DSCAM: variants seen among roughly 807,000 people sequenced by gnomAD.
DSCAM encodes cell adhesion molecule DSCAM.
DSCAM carries 47 observed loss-of-function variants against 217.7 expected under a neutral mutation model. That is an observed-to-expected ratio of 0.22 (90% CI 0.17 to 0.28). The LOEUF (loss-of-function observed/expected upper bound fraction) is 0.28, where lower values mean the gene tolerates loss of function less well. Ranked by LOEUF, DSCAM falls within the 10% of genes least tolerant of loss-of-function variation. DSCAM has a pLI of 1.00. For missense variants in DSCAM, 2,080 were observed against 2,618.3 expected (o/e 0.79, Z 4.49); for synonymous variants, 1,056 against 1,015.3 (o/e 1.04, Z -0.76).
intron 3 of DSCAM, among the ~76,000 whole-genome samples, chr21:40,593,781 A>C (rs1357250472): frequency 6.6e-6 from 1 of 152,214 alleles, no homozygotes; most frequent in African/African-American, 2.4e-5. Flanking sequence ...CTTTACACAC[A>C]GGAAATGGAG....
chr21:40,498,776 G>A (rs1043133518), intron 3 of DSCAM, among the ~76,000 whole-genome samples: 3 of 21,388 alleles, frequency 1.4e-4, no homozygotes, highest in African/African-American at 5.2e-4. Flanking sequence ...TATATATATG[G>A]GTGTGTATAT....
At chr21:40,407,541 C>T (rs2075289327) in intron 3 of DSCAM, among the ~76,000 whole-genome samples, 1 of 152,136 alleles carries the variant, frequency 6.6e-6, no homozygotes, top group South Asian at 2.1e-4. Context: ...TCAGGTGGAA[C>T]CCAGCAGACA....
chr21:40,526,941 T>C (rs938729504), intron 3 of DSCAM, among the ~76,000 whole-genome samples: 13 of 152,126 alleles, frequency 8.5e-5, no homozygotes, highest in Admixed American at 7.2e-4. Context: ...GTCAAGGTGC[T>C]TCCCTGGCCT....
chr21:40,135,492 A>G (rs2090197869), intron 18 of DSCAM, among the ~76,000 whole-genome samples: 1 of 152,248 alleles, frequency 6.6e-6, no homozygotes, highest in Admixed American at 6.5e-5. Flanking sequence ...GGCTGAGGGC[A>G]CAGGCCGCGG....
intron 11 of DSCAM, among the ~76,000 whole-genome samples, chr21:40,273,813 G>A (rs1368909295): frequency 1.3e-5 from 2 of 152,164 alleles, no homozygotes; most frequent in African/African-American, 4.8e-5. Context: ...TCGCATGGTG[G>A]AAACAGAGAA....
chr21:40,322,483 G>T (rs1601550161), intron 8 of DSCAM, among the ~76,000 whole-genome samples: 1 of 151,846 alleles, frequency 6.6e-6, no homozygotes, highest in African/African-American at 2.4e-5. Flanking sequence ...TTTCTAATTT[G>T]AAATATTGGA....
At chr21:40,685,454 G>A (rs1318177650) in intron 3 of DSCAM, among the ~76,000 whole-genome samples, 2 of 152,172 alleles carry the variant, frequency 1.3e-5, no homozygotes, top group African/African-American at 2.4e-5. Context: ...GGGTGCCTAC[G>A]TGACCTGCCC....
chr21:40,630,972 T>C (rs950843242), intron 3 of DSCAM, among the ~76,000 whole-genome samples: 2 of 152,204 alleles, frequency 1.3e-5, no homozygotes, highest in Non-Finnish European at 1.5e-5. Flanking sequence ...GGTTGGAGCA[T>C]CTGTCATCAA....
rs749384495 is a variant in DSCAM, at chr21:40,692,856, G to A, written c.462C>T (p.Tyr154=). The change falls in exon 3 of 33, where the codon TAC becomes TAT. Residue 154 remains tyrosine (Y), a synonymous_variant. Transcript: ENST00000400454. The part of the protein sequence containing the change: ...KCIIPSSVEA[Y]ITVVSWEKDT... ...CTTTCTCCCATGAGACGACAGTGATGTACGCCTCCACCGAGGAGGGGATAA... is the reference window on the plus strand; with the variant it reads ...CTTTCTCCCATGAGACGACAGTGATATACGCCTCCACCGAGGAGGGGATAA... 3 of 1,614,004 alleles carry A rather than the reference G, an allele frequency of 1.9e-6. No homozygotes were observed. The South Asian group carries it at 3.3e-5, about 18-fold the overall frequency.
intron 4 of DSCAM, among the ~76,000 whole-genome samples, chr21:40,356,930 A>G (rs981621296): frequency 4.6e-5 from 7 of 152,164 alleles, no homozygotes; most frequent in African/African-American, 7.2e-5. Context: ...TTGGCTTTCT[A>G]TTTCTTTTGT....
intron 8 of DSCAM, among the ~76,000 whole-genome samples, chr21:40,330,691 T>C (rs1379722842): frequency 6.6e-6 from 1 of 152,064 alleles, no homozygotes; most frequent in Non-Finnish European, 1.5e-5. Context: ...ACCCCCAGGG[T>C]AGCTGAGCCA....
intron 3 of DSCAM, among the ~76,000 whole-genome samples, chr21:40,555,849 C>G (rs959312864): frequency 6.6e-6 from 1 of 152,012 alleles, no homozygotes; most frequent in Non-Finnish European, 1.5e-5. Flanking sequence ...GTTGTCCTGA[C>G]TGGTCTTGAA....
At chr21:40,263,473 A>G (rs1234343353) in intron 11 of DSCAM, among the ~76,000 whole-genome samples, 1 of 152,212 alleles carries the variant, frequency 6.6e-6, no homozygotes, top group Non-Finnish European at 1.5e-5. Context: ...GGGGTTAACC[A>G]TCAAATCAAG....
At chr21:40,472,345 A>T (rs1569137541) in intron 3 of DSCAM, among the ~76,000 whole-genome samples, 1 of 152,216 alleles carries the variant, frequency 6.6e-6, no homozygotes, top group African/African-American at 2.4e-5. Context: ...CTTCATACTG[A>T]ATCAAATTTT....
intron 9 of DSCAM, 122 bp from the exon 10 acceptor site, chr21:40,296,296 G>A (rs1226691979): frequency 1.7e-6 from 2 of 1,195,830 alleles, no homozygotes; most frequent in Non-Finnish European, 2.3e-6. Flanking sequence ...CATACACATG[G>A]GACAATAAAA....
intron 1 of DSCAM, among the ~76,000 whole-genome samples, chr21:40,820,635 T>C (rs1262257710): frequency 3.3e-5 from 5 of 152,192 alleles, no homozygotes; most frequent in African/African-American, 1.2e-4. Flanking sequence ...ATAAAATTTT[T>C]TTAAATTAGG....
chr21:40,272,318 G>A (rs1385789879), intron 11 of DSCAM, among the ~76,000 whole-genome samples: 1 of 152,170 alleles, frequency 6.6e-6, no homozygotes, highest in Non-Finnish European at 1.5e-5. Context: ...CCAGAATTGT[G>A]ATGACAGTGT....
At chr21:40,744,024 A>G (rs2091150386) in intron 1 of DSCAM, among the ~76,000 whole-genome samples, 1 of 152,216 alleles carries the variant, frequency 6.6e-6, no homozygotes, top group Non-Finnish European at 1.5e-5. Flanking sequence ...CATAATAACT[A>G]AGAAAAATGG....
chr21:40,682,552 AAAGG>A (rs2146425793), intron 3 of DSCAM, among the ~76,000 whole-genome samples: 1 of 117,772 alleles, frequency 8.5e-6, no homozygotes, highest in East Asian at 2.7e-4. Context: ...GAAAGAAAGA[AAAGG>A]AAGGAAGAAA....
Sources: allele counts gnomAD v4.1 joint callset (sites outside exome capture counted in the v4.1 genomes callset), GRCh38; gene constraint gnomAD v4.1.1; transcripts MANE v1.5; gene names NCBI Gene and HGNC (gene_info 2026-07-23, HGNC 2026-07-21).